Variants in TMEM245 observed in about 807,000 individuals in gnomAD.
TMEM245 encodes the protein protein CG-2.
A neutral mutation model predicts 101.2 loss-of-function variants in TMEM245; 69 were observed. The observed-to-expected ratio is 0.68, with a 90% CI of 0.56 to 0.83. The LOEUF is 0.83. TMEM245 is among the 40% of genes least tolerant of loss of function. The pLI is 0.00. For synonymous variants in TMEM245, 537 were observed against 449.8 expected (o/e 1.19, Z -2.45); for missense variants, 1,075 against 1,092.8 (o/e 0.98, Z 0.23).
intron 3 of TMEM245, among the ~76,000 whole-genome samples, chr9:109,098,079 C>T (rs2132603164): frequency 6.6e-6 from 1 of 152,298 alleles, no homozygotes; most frequent in East Asian, 1.9e-4. Context: ...TACCTCTCCT[C>T]CCCTTTCTAC....
At chr9:109,090,155 G>A (rs1240637434) in intron 5 of TMEM245, among the ~76,000 whole-genome samples, 1 of 152,190 alleles carries the variant, frequency 6.6e-6, no homozygotes, top group Non-Finnish European at 1.5e-5. Context: ...CAGCAACTCA[G>A]GAGGCTGAGG....
intron 5 of TMEM245, among the ~76,000 whole-genome samples, chr9:109,088,730 A>G (rs113435826): frequency 0.15 from 21,884 of 149,854 alleles, 1,809 homozygotes; most frequent in African/African-American, 0.2. Context: ...GGCAGGAGAA[A>G]GTGTGAACCC....
intron 3 of TMEM245, among the ~76,000 whole-genome samples, chr9:109,095,695 A>G (rs1417875210): frequency 1.3e-5 from 2 of 152,226 alleles, no homozygotes; most frequent in Non-Finnish European, 1.5e-5. Context: ...GTATACTCAT[A>G]TGCAGTTGCA....
intron 3 of TMEM245, among the ~76,000 whole-genome samples, chr9:109,105,105 A>T (rs1436636225): frequency 6.6e-6 from 1 of 152,224 alleles, no homozygotes; most frequent in Non-Finnish European, 1.5e-5. Flanking sequence ...CATATATTTG[A>T]TAAGGGTCTA....
chr9:109,020,781 T>C (rs1156420199), intron 17 of TMEM245, among the ~76,000 whole-genome samples: 1 of 152,196 alleles, frequency 6.6e-6, no homozygotes, highest in Non-Finnish European at 1.5e-5. Flanking sequence ...AGTAGAAGTG[T>C]TGTGCAACTT....
At chr9:109,021,452 A>G (rs560148525) in intron 17 of TMEM245, among the ~76,000 whole-genome samples, 1 of 152,282 alleles carries the variant, frequency 6.6e-6, no homozygotes, top group African/African-American at 2.4e-5. Flanking sequence ...CAATAAGTCC[A>G]CATATTAGAA....
intron 9 of TMEM245, 107 bp downstream of exon 9, chr9:109,073,249 C>T: frequency 1.2e-6 from 1 of 841,010 alleles, no homozygotes; most frequent in Non-Finnish European, 2.0e-6. Flanking sequence ...CTGGCAAACC[C>T]TATCTTTTAT....
At chr9:109,118,872 G>A (rs1830805401) in intron 1 of TMEM245, among the ~76,000 whole-genome samples, 1 of 152,150 alleles carries the variant, frequency 6.6e-6, no homozygotes, top group Non-Finnish European at 1.5e-5. Flanking sequence ...AGTAGCCCTA[G>A]CCTGGTAAGA....
At chr9:109,086,366 C>T (rs1178462837) in intron 6 of TMEM245, among the ~76,000 whole-genome samples, 1 of 152,176 alleles carries the variant, frequency 6.6e-6, no homozygotes, top group African/African-American at 2.4e-5. Context: ...CTAAGAAACT[C>T]CCGCCTGTGC....
At chr9:109,058,348 G>A (rs1286081139) in intron 11 of TMEM245, among the ~76,000 whole-genome samples, 2 of 152,016 alleles carry the variant, frequency 1.3e-5, no homozygotes, top group Middle Eastern at 3.4e-3. Flanking sequence ...GGAAAATGAG[G>A]ACAGAAGAAT....
In TMEM245 at chr9:109,017,635, T is replaced by C. The variant is rs1827489377; in HGVS notation, c.*2825A>G. The C allele has an allele frequency of 6.6e-6, 1 of 152,206 alleles. No individual in the cohort carries two copies. Among genetic ancestry groups the C allele is most frequent in the African/African-American group, 2.4e-5 (1 of 41,442 alleles). 9.4% of individuals were successfully genotyped at this position (152,206 alleles called of 1,614,324 possible). ...TAATAAATCTATAAAATGCAAGATA[T>C]TATGACCAAGTTCTGTACTCCGTTT... On this transcript the variant is annotated 3_prime_UTR_variant, in exon 18 of 18. Coordinates refer to ENST00000374586, the MANE Select transcript of TMEM245 (RefSeq NM_032012.4).
chr9:109,064,360 A>G, intron 10 of TMEM245, 117 bp downstream of exon 10: 1 of 841,504 alleles, frequency 1.2e-6, no homozygotes, highest in Non-Finnish European at 1.9e-6. Context: ...TTACCTGTTT[A>G]TTTAAGCCTA....
At chr9:109,051,295 A>AACACACACACACACACACACAC (rs67093439) in intron 12 of TMEM245, among the ~76,000 whole-genome samples, 2 of 135,234 alleles carry the variant, frequency 1.5e-5, no homozygotes, top group South Asian at 5.0e-4. Context: ...TCTGTCTCAA[A>AACACACACACACACACACACAC]ACACACACAC....
At chr9:109,024,798 G>T (rs76482592) in intron 17 of TMEM245, among the ~76,000 whole-genome samples, 2 of 152,232 alleles carry the variant, frequency 1.3e-5, no homozygotes, top group Non-Finnish European at 2.9e-5. Flanking sequence ...GATGAATCTG[G>T]AGAAGTAGAG....
chr9:109,083,256 CA>C (rs1829722108), intron 7 of TMEM245, among the ~76,000 whole-genome samples: 2 of 152,206 alleles, frequency 1.3e-5, no homozygotes, highest in South Asian at 4.1e-4. Flanking sequence ...CACAAAGAAA[CA>C]GCAACTCGGA....
At chr9:109,064,838 A>G (rs1829117889) in intron 9 of TMEM245, among the ~76,000 whole-genome samples, 1 of 152,074 alleles carries the variant, frequency 6.6e-6, no homozygotes, top group African/African-American at 2.4e-5. Flanking sequence ...CTGGAGTGCA[A>G]TGGCACGATC....
chr9:109,097,503 A>G (rs2805886), intron 3 of TMEM245, among the ~76,000 whole-genome samples: 10,365 of 152,248 alleles, frequency 0.068, 461 homozygotes, highest in African/African-American at 0.11. Context: ...TCCCAGGTCT[A>G]TTCTTACTAC....
At position 109,056,975 on chromosome 9, in the gene TMEM245, TCA is replaced by T. The variant is rs200718324; in HGVS notation, c.1854+214_1854+215del. Among the ~76,000 whole-genome samples the T allele has an allele frequency of 2.0e-5, 3 of 152,264 alleles. No homozygotes were observed. In the East Asian group the frequency reaches 5.8e-4, roughly 29 times the overall value. Reference sequence around the variant, plus strand: ...CAGCTGGAGACATCCTGGTCATCTCTCAGTTACTCTACAACCACAGGGGAAAT... The same window carrying T: ...CAGCTGGAGACATCCTGGTCATCTCTGTTACTCTACAACCACAGGGGAAAT... On this transcript the variant is annotated intron_variant, in intron 12 of 17. Coordinates refer to ENST00000374586, the MANE Select transcript of TMEM245 (RefSeq NM_032012.4).
At chr9:109,073,274 G>C (rs1002651759) in intron 9 of TMEM245, 82 bp downstream of exon 9, 2 of 995,726 alleles carry the variant, frequency 2.0e-6, no homozygotes, top group Admixed American at 1.7e-5. Flanking sequence ...CAATGCAGCT[G>C]CATCAATGAA....
Sources: gnomAD v4.1 joint callset for allele counts (sites outside exome capture counted in the v4.1 genomes callset) on GRCh38, gnomAD v4.1.1 for gene constraint, MANE v1.5 for transcripts, NCBI Gene and HGNC (gene_info 2026-07-23, HGNC 2026-07-21) for gene names.